ADAMTS2: variants seen among roughly 807,000 people sequenced by gnomAD.
The protein encoded by ADAMTS2 is A disintegrin and metalloproteinase with thrombospondin motifs 2.
ADAMTS2 carries 50 observed loss-of-function variants against 123.0 expected under a neutral mutation model. That is an observed-to-expected ratio of 0.41 (90% CI 0.32 to 0.51). The LOEUF is 0.51. Among genes scored for constraint, ADAMTS2 ranks in the 20% least tolerant of loss-of-function variants. The pLI is 0.35. For synonymous variants in ADAMTS2, 678 were observed against 695.4 expected, an observed-to-expected ratio of 0.98 and a Z score of 0.39; for missense variants, 1,494 against 1,705.2, an observed-to-expected ratio of 0.88 and a Z score of 2.18.
chr5:179,153,767 T>G (rs2113251370), intron 8 of ADAMTS2, 144 bp from the exon 9 acceptor site: 1 of 1,314,002 alleles, frequency 7.6e-7, no homozygotes, highest in East Asian at 2.5e-5. Context: ...TCAGTTTCCC[T>G]GCTGCATCTC....
At chr5:179,164,302 C>T (rs1275738220) in intron 5 of ADAMTS2, among the ~76,000 whole-genome samples, 1 of 152,236 alleles carries the variant, frequency 6.6e-6, no homozygotes, top group Non-Finnish European at 1.5e-5. Flanking sequence ...TGACCTTGTG[C>T]CCAGAGGCCA....
Position 179,272,816 on chromosome 5 carries a change from T to A in ADAMTS2, c.688+95A>T. 1 of 1,482,360 alleles carries A rather than the reference T, an allele frequency of 6.7e-7. No individual in the cohort carries two copies. 91.8% of individuals were successfully genotyped at this position (1,482,360 alleles called of 1,614,324 possible). A position where few individuals can be genotyped will look rare whatever the true frequency, so the allele number is the denominator to read the frequency against. The stretch of plus-strand genomic sequence containing the variant: ...GGCTCAGCCTCAGCAGCCAAGCTGG[T>A]CTGTGGAGAGCTGCCTGAGTCTCTG... On this transcript the variant is annotated intron_variant, in intron 3 of 21. Transcript: ENST00000251582. The surrounding 1 kb of genome is among the most constrained non-coding windows in gnomAD (Gnocchi z 5.8).
intron 3 of ADAMTS2, among the ~76,000 whole-genome samples, chr5:179,265,669 C>T (rs1766349017): frequency 6.6e-6 from 1 of 152,224 alleles, no homozygotes; most frequent in African/African-American, 2.4e-5. Context: ...GGAGAATGTG[C>T]AGCCTCGGCT....
At chr5:179,215,591 A>C (rs1293978885) in intron 3 of ADAMTS2, among the ~76,000 whole-genome samples, 3 of 152,206 alleles carry the variant, frequency 2.0e-5, no homozygotes, top group Non-Finnish European at 4.4e-5. Context: ...AAGAAATTTA[A>C]AAAAAATTTA....
In ADAMTS2 at chr5:179,327,593, C is replaced by T. The variant is rs571814574; in HGVS notation, c.534+16174G>A. On this transcript the variant is annotated intron_variant, in intron 2 of 21. Transcript: ENST00000251582. Reference sequence around the variant, plus strand: ...CATAAAACCACAACATGGGCACATCCTGCGTTCGAAGCTCTACTTGATGCA... The same window carrying T: ...CATAAAACCACAACATGGGCACATCTTGCGTTCGAAGCTCTACTTGATGCA... Among the ~76,000 whole-genome samples the T allele has an allele frequency of 7.2e-5, 11 of 152,272 alleles. No homozygotes were observed. The East Asian group carries it at 1.9e-3, about 27-fold the overall frequency.
chr5:179,230,892 T>G (rs1765397033), intron 3 of ADAMTS2, among the ~76,000 whole-genome samples: 1 of 151,910 alleles, frequency 6.6e-6, no homozygotes, highest in Non-Finnish European at 1.5e-5. Flanking sequence ...GCGCCTGTAA[T>G]TGCAGCTACT....
chr5:179,153,623 G>T lies in ADAMTS2; in HGVS notation c.1383C>A (p.His461Gln). 2 of 1,602,408 alleles carry T rather than the reference G, an allele frequency of 1.2e-6. No homozygotes were observed. ...CSQQELSRYL[H>Q]SYDCLLDDPF... Reference sequence around the variant, plus strand: ...GGTCATCCAGCAGGCAGTCATAGGAGCTGTGGGGGACACACGGTGCCGCGA... The same window carrying T: ...GGTCATCCAGCAGGCAGTCATAGGATCTGTGGGGGACACACGGTGCCGCGA... The change falls in exon 9 of 22, where the codon CAC (histidine) becomes CAA (glutamine). Residue 461 changes from histidine to glutamine, a missense_variant and splice_region_variant. Transcript: ENST00000251582.
chr5:179,121,812 A>G (rs1448246550), intron 20 of ADAMTS2, 62 bp from the exon 21 acceptor site: 24 of 1,206,302 alleles, frequency 2.0e-5, no homozygotes, highest in Non-Finnish European at 2.8e-5. Flanking sequence ...CACCCCAGGC[A>G]GAGAGGCTCC....
intron 2 of ADAMTS2, among the ~76,000 whole-genome samples, chr5:179,286,216 CAAAAAAAAA>C (rs33951526): frequency 1.5e-5 from 1 of 66,050 alleles, no homozygotes; most frequent in Non-Finnish European, 2.8e-5. Context: ...ACTCTTGTCT[CAAAAAAAAA>C]AAAAAAAAAA....
chr5:179,180,500 T>C lies in ADAMTS2; in HGVS notation c.975+572A>G, dbSNP rs1021478738. The stretch of plus-strand genomic sequence containing the variant: ...GCCCCGCTAAGTGGTAACCAATCTT[T>C]AGAGACAGGAAACAACTCATCCATG... On this transcript the variant is annotated intron_variant, in intron 5 of 21. Coordinates refer to ENST00000251582, the MANE Select transcript of ADAMTS2 (RefSeq NM_014244.5). The surrounding 1 kb of genome is among the most constrained non-coding windows in gnomAD (Gnocchi z 4.6). Among the ~76,000 whole-genome samples, 1 of 152,186 alleles carries C rather than the reference T, an allele frequency of 6.6e-6. No individual in the cohort carries two copies. The highest frequency in any genetic ancestry group is 1.5e-5 in the Non-Finnish European group (1 of 68,038).
intron 2 of ADAMTS2, among the ~76,000 whole-genome samples, chr5:179,322,480 G>A (rs1160747884): frequency 2.0e-5 from 3 of 152,196 alleles, no homozygotes; most frequent in Admixed American, 6.5e-5. Context: ...CCTCCCTTGA[G>A]GACAAACCCT....
chr5:179,218,194 C>T (rs958063228), intron 3 of ADAMTS2, among the ~76,000 whole-genome samples: 1 of 152,212 alleles, frequency 6.6e-6, no homozygotes, highest in African/African-American at 2.4e-5. Context: ...CCTGCAGGGG[C>T]CACCACCAGG....
Position 179,225,002 on chromosome 5 carries a change from C to G in ADAMTS2, c.689-17287G>C, listed in dbSNP as rs543352144. On this transcript the variant is annotated intron_variant, in intron 3 of 21. Coordinates refer to ENST00000251582, the MANE Select transcript of ADAMTS2 (RefSeq NM_014244.5). The surrounding 1 kb of genome is among the most constrained non-coding windows in gnomAD (Gnocchi z 4.5). ...CTGCCTCACAGTGGCTGAAGCTTCC[C>G]GGGCCGCAGTTCACGCCCCACTTGT... Among the ~76,000 whole-genome samples, 1 of 152,310 alleles carries G rather than the reference C, an allele frequency of 6.6e-6. No homozygotes were observed. Among genetic ancestry groups the G allele is most frequent in the Admixed American group, 6.5e-5 (1 of 15,306 alleles).
rs555083124 is a variant in ADAMTS2 at position 179,342,135 on chromosome 5, A to T, written c.534+1632T>A. ...ACATATGAGAAGGTGCTGGCTGAAA[A>T]ATGAATCACCAAATGAACTGCTGAA... On this transcript the variant is annotated intron_variant, in intron 2 of 21. Coordinates refer to ENST00000251582, the MANE Select transcript of ADAMTS2 (RefSeq NM_014244.5). Among the ~76,000 whole-genome samples, 127 of 152,274 alleles carry T rather than the reference A, an allele frequency of 8.3e-4. 4 individuals carry two copies. The East Asian group carries it at 0.018, about 21-fold the overall frequency.
At position 179,289,663 on chromosome 5, in the gene ADAMTS2, C is replaced by A. The variant is rs180688686; in HGVS notation, c.535-16599G>T. Reference sequence around the variant, plus strand: ...ACCTGAAAAAACCTCACAGTCACAGCCCTAGAGCTCCCGGGGCATCCAGTG... The same window carrying A: ...ACCTGAAAAAACCTCACAGTCACAGACCTAGAGCTCCCGGGGCATCCAGTG... On this transcript the variant is annotated intron_variant, in intron 2 of 21. Coordinates refer to ENST00000251582, the MANE Select transcript of ADAMTS2 (RefSeq NM_014244.5). 3.3e-5 allele frequency among the ~76,000 whole-genome samples: 5 copies of A among 152,262 alleles called. No individual in the cohort carries two copies. The East Asian group carries it at 9.6e-4, about 29-fold the overall frequency.
chr5:179,260,807 T>A lies in ADAMTS2; in HGVS notation c.688+12104A>T, dbSNP rs1338689645. ...GCTGGCAGACGCGGTCAACGGTAAGTGCTCCAGGAACGCGTCACGTTCTTC... is the reference window on the plus strand; with the variant it reads ...GCTGGCAGACGCGGTCAACGGTAAGAGCTCCAGGAACGCGTCACGTTCTTC... On this transcript the variant is annotated intron_variant, in intron 3 of 21. Coordinates refer to ENST00000251582, the MANE Select transcript of ADAMTS2 (RefSeq NM_014244.5). The surrounding 1 kb of genome is among the most constrained non-coding windows in gnomAD (Gnocchi z 4.2). Among the ~76,000 whole-genome samples, 1 of 152,198 alleles carries A rather than the reference T, an allele frequency of 6.6e-6. No individual in the cohort carries two copies. Among genetic ancestry groups the A allele is most frequent in the African/African-American group, 2.4e-5 (1 of 41,458 alleles).
In ADAMTS2 at chr5:179,115,200, C is replaced by G. The variant is rs1762638440; in HGVS notation, c.3179-876G>C. 6.6e-6 allele frequency among the ~76,000 whole-genome samples: 1 copy of G among 152,140 alleles called. No homozygotes were observed. Among genetic ancestry groups the G allele is most frequent in the African/African-American group, 2.4e-5 (1 of 41,412 alleles). ...GCCACCATTATCTCTCACTTTCCAC[C>G]CAGCCATCTTCTCCCTGGCCCATCT... On this transcript the variant is annotated intron_variant, in intron 21 of 21. Transcript: ENST00000251582. The surrounding 1 kb of genome is among the most constrained non-coding windows in gnomAD (Gnocchi z 4.4).
intron 3 of ADAMTS2, among the ~76,000 whole-genome samples, chr5:179,265,619 C>T (rs921850406): frequency 6.6e-6 from 1 of 152,242 alleles, no homozygotes; most frequent in African/African-American, 2.4e-5. Flanking sequence ...GAGCTGGCCC[C>T]TCCTGCTCTC....
intron 2 of ADAMTS2, among the ~76,000 whole-genome samples, chr5:179,335,967 G>A (rs529524787): frequency 1.7e-4 from 26 of 152,302 alleles, no homozygotes; most frequent in African/African-American, 5.5e-4. Flanking sequence ...AAAAATACCC[G>A]GGTGTAAAGA....
Sources: gnomAD v4.1 joint callset for allele counts (sites outside exome capture counted in the v4.1 genomes callset) on GRCh38, gnomAD v4.1.1 for gene constraint, Gnocchi (gnomAD v3.1) non-coding constraint, MANE v1.5 for transcripts, NCBI Gene and HGNC (gene_info 2026-07-23, HGNC 2026-07-21) for gene names.